Variants in FOSL1 observed in about 807,000 individuals in gnomAD.
FOSL1 encodes the protein FOS like 1, AP-1 transcription factor subunit.
A neutral mutation model predicts 24.9 loss-of-function variants in FOSL1; 14 were observed. That is an observed-to-expected ratio of 0.56 (90% CI 0.37 to 0.88). The LOEUF (loss-of-function observed/expected upper bound fraction) is 0.88, where lower values mean the gene tolerates loss of function less well. Among genes scored for constraint, FOSL1 ranks in the 40% least tolerant of loss-of-function variants. FOSL1 has a pLI of 0.00. For synonymous variants in FOSL1, 133 were observed against 145.1 expected, an observed-to-expected ratio of 0.92 and a Z score of 0.60; for missense variants, 318 against 359.8, an observed-to-expected ratio of 0.88 and a Z score of 0.94.
Position 65,893,047 on chromosome 11 carries a change from T to G in FOSL1, c.655A>C (p.Thr219Pro). 1 of 1,611,452 alleles carries G rather than the reference T, an allele frequency of 6.2e-7. No homozygotes were observed. Residue 219 changes from threonine (T) to proline (P), a missense_variant, in exon 4 of 4, where the codon ACA becomes CCA. Coordinates refer to ENST00000312562, the MANE Select transcript of FOSL1 (RefSeq NM_005438.5). ...GTTAGGGAGGGTGTGGTCATGAGTG[T>G]GGGGGTGTGCAGTGCCTCAGGTTCA... ...VLEPEALHTP[T>P]LMTTPSLTPF...
rs1390897108 is a variant in FOSL1 at position 65,894,060 on chromosome 11, G to A, written c.359C>T (p.Ala120Val). The A allele has an allele frequency of 6.2e-7, 1 of 1,611,248 alleles. No homozygotes were observed. The highest frequency in any genetic ancestry group is 1.1e-5 in the South Asian group (1 of 90,522). The change falls in exon 3 of 4, where the codon GCC becomes GTC. Residue 120 changes from alanine (A) to valine (V), a missense_variant. Ala to Val is a moderately conservative substitution (Grantham distance 64). Transcript: ENST00000312562. ...TTCCTTCCTCCGGTTCCTGCACTTG[G>A]CCGCAGCCAGCTTGTTCCGCTCGCG... ...VRRERNKLAA[A>V]KCRNRRKELT...
chr11:65,898,962 G>GAAAAAAAA (rs745881086), intron 1 of FOSL1, among the ~76,000 whole-genome samples: 11 of 31,022 alleles, frequency 3.5e-4, no homozygotes, highest in African/African-American at 5.5e-4. Flanking sequence ...CCCTGTCTCA[G>GAAAAAAAA]AAAAAAAAAA....
In FOSL1 at chr11:65,892,771, G is replaced by T; in HGVS notation, c.*115C>A. 1 of 999,932 alleles carries T rather than the reference G, an allele frequency of 1.0e-6. No individual in the cohort carries two copies. Among genetic ancestry groups the T allele is most frequent in the Non-Finnish European group, 1.5e-6 (1 of 660,118 alleles). 61.9% of individuals were successfully genotyped at this position (999,932 alleles called of 1,614,324 possible). On this transcript the variant is annotated 3_prime_UTR_variant, in exon 4 of 4. Coordinates refer to ENST00000312562, the MANE Select transcript of FOSL1 (RefSeq NM_005438.5). The stretch of plus-strand genomic sequence containing the variant: ...TATGGTCAGTCTCATTAGAGGGATG[G>T]AGAAGAAGTTGCTGGAGTTGGATGT...
chr11:65,898,009 C>T (rs1860571119), intron 1 of FOSL1, among the ~76,000 whole-genome samples: 1 of 144,106 alleles, frequency 6.9e-6, no homozygotes, highest in African/African-American at 2.6e-5. Flanking sequence ...TACCGACGTG[C>T]ACCACCACAT....
intron 2 of FOSL1, among the ~76,000 whole-genome samples, chr11:65,894,512 G>A (rs1473715319): frequency 6.6e-6 from 1 of 152,092 alleles, no homozygotes; most frequent in African/African-American, 2.4e-5. Context: ...GGACAACCAA[G>A]TCTCCTCTTC....
intron 1 of FOSL1, among the ~76,000 whole-genome samples, chr11:65,898,533 A>C (rs1195632221): frequency 6.6e-6 from 1 of 152,186 alleles, no homozygotes; most frequent in African/African-American, 2.4e-5. Flanking sequence ...TGGCTGTGTG[A>C]CCATGGGCAA....
chr11:65,897,775 T>C (rs1591089527), intron 1 of FOSL1, among the ~76,000 whole-genome samples: 1 of 152,144 alleles, frequency 6.6e-6, no homozygotes. Flanking sequence ...AAGGGGAGGC[T>C]GTGAGAATCA....
chr11:65,895,899 TC>T (rs1286119650), intron 2 of FOSL1, among the ~76,000 whole-genome samples: 1 of 152,218 alleles, frequency 6.6e-6, no homozygotes, highest in Non-Finnish European at 1.5e-5. Flanking sequence ...CTTTAAAGAC[TC>T]GCCATCTCTT....
Position 65,900,381 on chromosome 11 carries a change from T to C in FOSL1, c.-42A>G. 2.8e-6 allele frequency: 3 copies of C among 1,084,342 alleles called. No individual in the cohort carries two copies. Among genetic ancestry groups the C allele is most frequent in the Non-Finnish European group, 3.5e-6 (3 of 851,260 alleles). 67.2% of individuals were successfully genotyped at this position (1,084,342 alleles called of 1,614,324 possible). On this transcript the variant is annotated 5_prime_UTR_variant, in exon 1 of 4. Transcript: ENST00000312562. ...TCTGCGGGGTACACGGCTGCTGGGT[T>C]CTGACTCACCCGCGCCGTGCGGAGT...
rs1860412926 is a variant in FOSL1, at chr11:65,892,606, C to T, written c.*280G>A. The T allele has an allele frequency of 1.6e-6, 1 of 630,026 alleles. No homozygotes were observed. The highest frequency in any genetic ancestry group is 3.0e-6 in the Non-Finnish European group (1 of 338,190). 39.0% of individuals were successfully genotyped at this position (630,026 alleles called of 1,614,324 possible). A position where few individuals can be genotyped will look rare whatever the true frequency, so the allele number is the denominator to read the frequency against. On this transcript the variant is annotated 3_prime_UTR_variant, in exon 4 of 4. Transcript: ENST00000312562. ...GAGGACCTCTAAGGATCTACAAAGTCTCTGGGCTGCCAGGATTCCTCTGGC... is the reference window on the plus strand; with the variant it reads ...GAGGACCTCTAAGGATCTACAAAGTTTCTGGGCTGCCAGGATTCCTCTGGC...
intron 1 of FOSL1, among the ~76,000 whole-genome samples, chr11:65,899,834 AC>A (rs879496463): frequency 1.3e-5 from 2 of 151,806 alleles, no homozygotes; most frequent in Admixed American, 1.3e-4. Flanking sequence ...CCGTGTGGGG[AC>A]CCTCACCCCA....
intron 2 of FOSL1, among the ~76,000 whole-genome samples, chr11:65,896,587 C>A (rs1252154035): frequency 6.6e-6 from 1 of 152,148 alleles, no homozygotes; most frequent in Non-Finnish European, 1.5e-5. Flanking sequence ...TCCTTCTAGG[C>A]TAATATGCCA....
intron 1 of FOSL1, among the ~76,000 whole-genome samples, chr11:65,898,045 G>GTTTTTT (rs71036252): frequency 3.9e-5 from 4 of 101,838 alleles, no homozygotes; most frequent in African/African-American, 1.2e-4. Flanking sequence ...TTTCTTTTCT[G>GTTTTTT]TTTTTTTTTT....
In FOSL1 at chr11:65,893,130, C is replaced by A; in HGVS notation, c.572G>T (p.Ser191Ile). 1 of 1,612,954 alleles carries A rather than the reference C, an allele frequency of 6.2e-7. No individual in the cohort carries two copies. The highest frequency in any genetic ancestry group is 8.5e-7 in the Non-Finnish European group (1 of 1,179,840). Residue 191 changes from serine to isoleucine, a missense_variant, in exon 4 of 4, where the codon AGC becomes ATC. By Grantham distance (142) the Ser-to-Ile change is moderately radical. Coordinates refer to ENST00000312562, the MANE Select transcript of FOSL1 (RefSeq NM_005438.5). ...TACAGGGCGGCAGGGGGCTGGTGGGCTGCTGGTGCCACTGGTACTGCCTGT... is the reference window on the plus strand; with the variant it reads ...TACAGGGCGGCAGGGGGCTGGTGGGATGCTGGTGCCACTGGTACTGCCTGT... ...GDTGSTSGTS[S>I]PPAPCRPVPC...
intron 1 of FOSL1, among the ~76,000 whole-genome samples, chr11:65,900,030 G>A (rs1261091772): frequency 1.3e-5 from 2 of 152,212 alleles, no homozygotes; most frequent in Non-Finnish European, 2.9e-5. Context: ...GGAGAAGGGG[G>A]CGGCTGGGAG....
intron 1 of FOSL1, among the ~76,000 whole-genome samples, chr11:65,898,058 T>TTTTTTTTTTTTTA (rs1565290182): frequency 7.6e-5 from 11 of 144,528 alleles, no homozygotes; most frequent in African/African-American, 2.0e-4. Flanking sequence ...TTTTTTTTTT[T>TTTTTTTTTTTTTA]GAGACACAGT....
chr11:65,892,791 G>T lies in FOSL1; in HGVS notation c.*95C>A. On this transcript the variant is annotated 3_prime_UTR_variant, in exon 4 of 4. Coordinates refer to ENST00000312562, the MANE Select transcript of FOSL1 (RefSeq NM_005438.5). ...GGATGGAGAAGAAGTTGCTGGAGTT[G>T]GATGTGGGATACTGTCCAGGCCAGC... The T allele has an allele frequency of 8.3e-7, 1 of 1,204,984 alleles. No homozygotes were observed. Among genetic ancestry groups the T allele is most frequent in the Non-Finnish European group, 1.2e-6 (1 of 841,082 alleles). 74.6% of individuals were successfully genotyped at this position (1,204,984 alleles called of 1,614,324 possible). A position where few individuals can be genotyped will look rare whatever the true frequency, so the allele number is the denominator to read the frequency against.
At position 65,896,939 on chromosome 11, in the gene FOSL1, G is replaced by A. The variant is rs1860543056; in HGVS notation, c.167C>T (p.Pro56Leu). The A allele has an allele frequency of 2.5e-6, 4 of 1,614,070 alleles. No individual in the cohort carries two copies. Among genetic ancestry groups the A allele is most frequent in the Non-Finnish European group, 3.4e-6 (4 of 1,179,928 alleles). ...GTAACTGCTGGGCCCCAGGAAATGA[G>A]GCTGTACCATCCACTGCAGCTCCTG... Reference protein sequence around the residue: ...GSQELQWMVQPHFLGPSSYPR... With the variant: ...GSQELQWMVQLHFLGPSSYPR... Residue 56 changes from proline (P) to leucine (L), a missense_variant, in exon 2 of 4, where the codon CCT becomes CTT. By Grantham distance (98) the Pro-to-Leu change is moderately conservative. Coordinates refer to ENST00000312562, the MANE Select transcript of FOSL1 (RefSeq NM_005438.5).
intron 1 of FOSL1, among the ~76,000 whole-genome samples, chr11:65,898,728 G>A (rs1344414567): frequency 1.3e-5 from 2 of 152,184 alleles, no homozygotes; most frequent in African/African-American, 4.8e-5. Context: ...GGAGGCTGAG[G>A]TAGAAGGATC....
Sources: allele counts gnomAD v4.1 joint callset (sites outside exome capture counted in the v4.1 genomes callset), GRCh38; gene constraint gnomAD v4.1.1; transcripts MANE v1.5; gene names NCBI Gene and HGNC (gene_info 2026-07-23, HGNC 2026-07-21).